NFATC1: variants seen among roughly 807,000 people sequenced by gnomAD.
NFATC1 encodes nuclear factor of activated T-cells, cytoplasmic 1.
Under a neutral mutation model 76.0 loss-of-function variants are expected in NFATC1, and 22 were observed. The ratio of observed to expected loss-of-function variants is 0.29; its 90% confidence interval spans 0.21 to 0.41. NFATC1 has a LOEUF of 0.41. NFATC1 is among the 10% of genes least tolerant of loss of function. The pLI is 1.00. For synonymous variants in NFATC1, 704 were observed against 613.1 expected, an observed-to-expected ratio of 1.15 and a Z score of -2.19; for missense variants, 1,357 against 1,337.7, an observed-to-expected ratio of 1.01 and a Z score of -0.23.
chr18:79,415,744 G>A (rs930730440), intron 2 of NFATC1, among the ~76,000 whole-genome samples: 8 of 152,122 alleles, frequency 5.3e-5, no homozygotes, highest in South Asian at 2.1e-4. Context: ...AGAAATAGCC[G>A]CTAGGTTGGT....
At chr18:79,402,520 G>A (rs1219693837) in intron 1 of NFATC1, among the ~76,000 whole-genome samples, 4 of 152,198 alleles carry the variant, frequency 2.6e-5, no homozygotes, top group South Asian at 2.1e-4. Context: ...CGGGAGCCCC[G>A]CAGAGCTGGG....
At chr18:79,446,653 C>G (rs977501494) in intron 3 of NFATC1, among the ~76,000 whole-genome samples, 4 of 152,214 alleles carry the variant, frequency 2.6e-5, no homozygotes, top group Admixed American at 1.3e-4. Flanking sequence ...GTCCCAGCGT[C>G]CCCCGTCCTG....
intron 1 of NFATC1, among the ~76,000 whole-genome samples, chr18:79,408,881 TATCCATCC>T (rs1410153007): frequency 6.8e-6 from 1 of 147,036 alleles, no homozygotes; most frequent in African/African-American, 2.5e-5. Context: ...CTCCATTCCC[TATCCATCC>T]ATCCATCATC....
chr18:79,447,347 G>A (rs1462563626), intron 3 of NFATC1, among the ~76,000 whole-genome samples: 2 of 152,372 alleles, frequency 1.3e-5, no homozygotes, highest in Admixed American at 1.3e-4. Context: ...GCGTGGTCAG[G>A]GGCAGGCGTC....
intron 2 of NFATC1, among the ~76,000 whole-genome samples, chr18:79,413,441 C>T (rs568045697): frequency 3.9e-5 from 6 of 152,288 alleles, no homozygotes; most frequent in African/African-American, 7.2e-5. Flanking sequence ...TTGGAGGCGC[C>T]GTCTTCTCCC....
intron 1 of NFATC1, chr18:79,400,302 T>C (rs2085150699): frequency 3.9e-6 from 5 of 1,270,978 alleles, no homozygotes; most frequent in Non-Finnish European, 5.0e-6. Context: ...GGGGGTCACG[T>C]TACGCGGAGG....
At position 79,411,316 on chromosome 18, in the gene NFATC1, G is replaced by A. The variant is rs146691249; in HGVS notation, c.1041G>A (p.Ala347=). The A allele has an allele frequency of 3.9e-5, 62 of 1,602,304 alleles. No homozygotes were observed. Among genetic ancestry groups the A allele is most frequent in the East Asian group, 2.7e-4 (12 of 44,760 alleles). ...CCCTGGAGCAGCCGCCCTCAGTGGC[G>A]CTCAAGGTGGAGCCCGTCGGGGAGG... ...KTTLEQPPSV[A]LKVEPVGEDL... The change falls in exon 2 of 10, where the codon GCG becomes GCA. Residue 347 remains alanine (A), a synonymous_variant. Coordinates refer to ENST00000427363, the MANE Select transcript of NFATC1 (RefSeq NM_001278669.2).
chr18:79,431,858 A>G (rs1259919774), intron 2 of NFATC1, among the ~76,000 whole-genome samples: 1 of 151,970 alleles, frequency 6.6e-6, no homozygotes, highest in African/African-American at 2.4e-5. Flanking sequence ...CTCCGCCACC[A>G]CGCCCGGCTA....
intron 9 of NFATC1, among the ~76,000 whole-genome samples, chr18:79,512,518 G>A (rs962035979): frequency 1.3e-5 from 2 of 152,214 alleles, no homozygotes; most frequent in African/African-American, 2.4e-5. Flanking sequence ...GTGGCTCCAC[G>A]AGGTCAGAGC....
intron 7 of NFATC1, among the ~76,000 whole-genome samples, chr18:79,462,862 T>G (rs11659752): frequency 0.3 from 42,665 of 143,852 alleles, 6,051 homozygotes; most frequent in East Asian, 0.36. Flanking sequence ...GTGTGTGCAG[T>G]TGGAAGCTGG....
intron 6 of NFATC1, among the ~76,000 whole-genome samples, chr18:79,456,297 CA>C (rs2144819407): frequency 6.6e-6 from 1 of 152,360 alleles, no homozygotes; most frequent in Non-Finnish European, 1.5e-5. Flanking sequence ...AGGCAGAGGC[CA>C]TGTCATCCAG....
chr18:79,417,269 G>A (rs2085911842), intron 2 of NFATC1, among the ~76,000 whole-genome samples: 1 of 81,838 alleles, frequency 1.2e-5, no homozygotes, highest in East Asian at 4.0e-4. Context: ...TGGGAGATGG[G>A]CTGTGGTGGG....
At chr18:79,517,430 T>C (rs574676404) in intron 9 of NFATC1, among the ~76,000 whole-genome samples, 1 of 152,306 alleles carries the variant, frequency 6.6e-6, no homozygotes, top group South Asian at 2.1e-4. Flanking sequence ...CTGGGGACAA[T>C]TGCGTTCCTG....
chr18:79,422,503 C>T (rs891784456), intron 2 of NFATC1: 4 of 152,374 alleles, frequency 2.6e-5, no homozygotes, highest in Non-Finnish European at 5.9e-5. Context: ...CCCTCCGGAC[C>T]ACACTGTTGC....
At position 79,410,274 on chromosome 18, in the gene NFATC1, G is replaced by A. The variant is rs1028025942; in HGVS notation, c.128-129G>A. The A allele has an allele frequency of 4.2e-5, 61 of 1,450,868 alleles. No homozygotes were observed. The East Asian group carries it at 6.6e-4, about 16-fold the overall frequency. The allele number at this position is 1,450,868 out of a possible 1,614,324, so 89.9% of individuals were successfully genotyped here. On this transcript the variant is annotated intron_variant, in intron 1 of 9. Transcript: ENST00000427363. The surrounding 1 kb of genome is among the most constrained non-coding windows in gnomAD (Gnocchi z 6.7). ...TGTCCGGCAGCGTGGTCTCAGGGAC[G>A]TTTGCTGAGGCCCGCTCCTTGGGGT...
chr18:79,396,150 C>G lies in NFATC1; in HGVS notation c.-75C>G. 7.5e-7 allele frequency: 1 copy of G among 1,341,892 alleles called. No homozygotes were observed. The highest frequency in any genetic ancestry group is 9.7e-7 in the Non-Finnish European group (1 of 1,033,574). The allele number at this position is 1,341,892 out of a possible 1,614,324, so 83.1% of individuals were successfully genotyped here. A position where few individuals can be genotyped will look rare whatever the true frequency, so the allele number is the denominator to read the frequency against. On this transcript the variant is annotated 5_prime_UTR_variant, in exon 1 of 10. Coordinates refer to ENST00000427363, the MANE Select transcript of NFATC1 (RefSeq NM_001278669.2). The stretch of plus-strand genomic sequence containing the variant: ...GGCGAGGGCTGTCTTCCCGGAGACC[C>G]GACCCCGGCAGCGCGGGGCGGCCGC...
chr18:79,427,885 A>AGGGGGAGCTGGACGGCTGGCCTCTGTGCG (rs2086445570), intron 2 of NFATC1, among the ~76,000 whole-genome samples: 7 of 8,140 alleles, frequency 8.6e-4, no homozygotes, highest in African/African-American at 2.4e-3. Context: ...GCCTCTGTGC[A>AGGGGGAGCTGGACGGCTGGCCTCTGTGCG]GTGAGTCGGG....
intron 3 of NFATC1, among the ~76,000 whole-genome samples, chr18:79,447,371 G>T (rs1330605923): frequency 6.6e-6 from 1 of 152,258 alleles, no homozygotes; most frequent in South Asian, 2.1e-4. Flanking sequence ...TTTTCCTGTG[G>T]CTGGAACGTG....
intron 1 of NFATC1, chr18:79,402,452 G>GAAGCC: frequency 1.0e-6 from 1 of 955,228 alleles, no homozygotes; most frequent in South Asian, 4.8e-5. Context: ...CAGAATGAGT[G>GAAGCC]AAGCCGTGAA....
Sources: allele counts gnomAD v4.1 joint callset (sites outside exome capture counted in the v4.1 genomes callset), GRCh38; gene constraint gnomAD v4.1.1; non-coding constraint Gnocchi (gnomAD v3.1); transcripts MANE v1.5; gene names NCBI Gene and HGNC (gene_info 2026-07-23, HGNC 2026-07-21).